Variants in HDX observed in about 807,000 individuals in gnomAD.
The protein encoded by HDX is chromosome X open reading frame 43.
In HDX, 19 loss-of-function variants were observed where a neutral mutation model predicts 45.2. The ratio of observed to expected loss-of-function variants is 0.42; its 90% CI spans 0.29 to 0.62. The LOEUF is 0.62. HDX is among the 20% of genes least tolerant of loss of function. HDX has a pLI of 0.20. For missense variants in HDX, 532 were observed against 493.9 expected, an observed-to-expected ratio of 1.08 and a Z score of -0.73; for synonymous variants, 188 against 172.8, an observed-to-expected ratio of 1.09 and a Z score of -0.69.
chrX:84,425,355 A>G (rs147803231), intron 5 of HDX, among the ~76,000 whole-genome samples: 37 of 112,050 alleles, frequency 3.3e-4, no homozygotes, highest in African/African-American at 1.2e-3. Context: ...GAGCCCTTGT[A>G]CAATGTTGGT....
At chrX:84,355,921 G>A (rs1293858866) in intron 6 of HDX, among the ~76,000 whole-genome samples, 1 of 109,230 alleles carries the variant, frequency 9.2e-6, no homozygotes, top group African/African-American at 3.3e-5. Context: ...GCACCTAATA[G>A]GTGTCCAGTT....
chrX:84,326,357 T>C (rs2036710455), intron 9 of HDX, 57 bp from the exon 10 acceptor site: 3 of 869,098 alleles, frequency 3.5e-6, no homozygotes, highest in Non-Finnish European at 4.9e-6. Flanking sequence ...GGACTATACA[T>C]GTTTGATGCA....
At chrX:84,450,434 A>T (rs931829614) in intron 4 of HDX, among the ~76,000 whole-genome samples, 2 of 111,974 alleles carry the variant, frequency 1.8e-5, no homozygotes, top group Non-Finnish European at 3.8e-5. Flanking sequence ...AAAAACAATA[A>T]AAAGAGAAAA....
intron 5 of HDX, among the ~76,000 whole-genome samples, chrX:84,390,615 C>T: frequency 9.0e-6 from 1 of 111,534 alleles, no homozygotes; most frequent in Non-Finnish European, 1.9e-5. Context: ...CATAATTATC[C>T]AAGATAAATG....
chrX:84,461,173 C>T (rs2040229464), intron 4 of HDX, among the ~76,000 whole-genome samples: 2 of 111,288 alleles, frequency 1.8e-5, no homozygotes, highest in Admixed American at 9.6e-5. Flanking sequence ...GAAAAAAATC[C>T]TAAAATTTAT....
At chrX:84,331,835 T>C (rs2036848267) in intron 9 of HDX, among the ~76,000 whole-genome samples, 1 of 111,675 alleles carries the variant, frequency 9.0e-6, no homozygotes, top group Admixed American at 9.5e-5. Flanking sequence ...CTAGAAGCAA[T>C]AGGCTATACC....
At position 84,336,789 on chromosome X, in the gene HDX, A is replaced by G. The variant is rs1312155280; in HGVS notation, c.1740+12T>C. 1 of 1,089,560 alleles carries G rather than the reference A, an allele frequency of 9.2e-7. No homozygotes were observed. The highest frequency in any genetic ancestry group is 1.3e-6 in the Non-Finnish European group (1 of 794,151). The allele number at this position is 1,089,560 out of a possible 1,213,427, so 89.8% of individuals were successfully genotyped here. A position where few individuals can be genotyped will look rare whatever the true frequency, so the allele number is the denominator to read the frequency against. On this transcript the variant is annotated intron_variant, in intron 8 of 10. Transcript: ENST00000373177. ...ACCATGTAATGAGAAAAGAATTTCA[A>G]ACTGTACATACCACATTATCTGTGG... is the stretch of plus-strand genomic sequence containing the variant.
intron 2 of HDX, among the ~76,000 whole-genome samples, chrX:84,483,698 A>G (rs2040735286): frequency 8.9e-6 from 1 of 112,543 alleles, no homozygotes; most frequent in Non-Finnish European, 1.9e-5. Context: ...TACTTATGCA[A>G]ATTTCTTCAG....
At chrX:84,375,210 A>G (rs1325527556) in intron 5 of HDX, among the ~76,000 whole-genome samples, 2 of 109,211 alleles carry the variant, frequency 1.8e-5, no homozygotes, top group East Asian at 2.9e-4. Context: ...ATCTCACACC[A>G]GTTAGAATGG....
chrX:84,478,585 A>T (rs1214049796), intron 2 of HDX, among the ~76,000 whole-genome samples: 5 of 112,262 alleles, frequency 4.5e-5, no homozygotes, highest in Admixed American at 9.5e-5. Context: ...ACTGGAAAAC[A>T]AGATATTCTA....
intron 3 of HDX, among the ~76,000 whole-genome samples, chrX:84,470,962 A>G (rs995969553): frequency 9.0e-6 from 1 of 111,725 alleles, no homozygotes; most frequent in African/African-American, 3.3e-5. Context: ...TGAGACCAGC[A>G]TGGGCAATAT....
At position 84,468,765 on chromosome X, in the gene HDX, T is replaced by A; in HGVS notation, c.958A>T (p.Ile320Leu). ...EEELASMRAQ[I>L]PSYSRFYESG... is the part of the protein sequence containing the mutation. Reference sequence around the variant, plus strand: ...TCATAAAATCTCGAATAGCTTGGTATCTGTGCTCTCATCGATGCCAGCTCT... The same window carrying A: ...TCATAAAATCTCGAATAGCTTGGTAACTGTGCTCTCATCGATGCCAGCTCT... The change falls in exon 4 of 11, where the codon ATA becomes TTA. Residue 320 changes from isoleucine (I) to leucine (L), a missense_variant. Coordinates refer to ENST00000373177, the MANE Select transcript of HDX (RefSeq NM_001177479.2). 2.5e-6 allele frequency: 3 copies of A among 1,211,656 alleles called. No homozygotes were observed. The highest frequency in any genetic ancestry group is 3.4e-6 in the Non-Finnish European group (3 of 895,331).
intron 2 of HDX, among the ~76,000 whole-genome samples, chrX:84,481,900 T>C (rs1009429205): frequency 9.0e-6 from 1 of 111,443 alleles, no homozygotes; most frequent in Non-Finnish European, 1.9e-5. Flanking sequence ...TCAGTGTCTA[T>C]TGTTTCCATC....
rs760143429 is a variant in HDX, at chrX:84,446,802, T to C, written c.1252-6217A>G. 8.9e-5 allele frequency among the ~76,000 whole-genome samples: 10 copies of C among 112,265 alleles called. No homozygotes were observed. In the South Asian group the frequency reaches 2.9e-3, roughly 33 times the overall value. ...CAAAATAGTAGGAGATTTCACAGTG[T>C]TTTTATTTGCCTTGTTGCACCCTTT... On this transcript the variant is annotated intron_variant, in intron 4 of 10. Transcript: ENST00000373177.
chrX:84,365,962 T>A (rs1020468291), intron 5 of HDX, among the ~76,000 whole-genome samples: 1 of 111,537 alleles, frequency 9.0e-6, no homozygotes, highest in East Asian at 2.8e-4. Flanking sequence ...CAATTCAACA[T>A]AGTATTGGAA....
At chrX:84,498,612 T>C (rs775401885) in intron 1 of HDX, among the ~76,000 whole-genome samples, 1 of 111,939 alleles carries the variant, frequency 8.9e-6, no homozygotes, top group South Asian at 3.7e-4. Flanking sequence ...TAATTCCCTC[T>C]GGAAGTATGA....
At chrX:84,343,692 T>C (rs1351040366) in intron 7 of HDX, among the ~76,000 whole-genome samples, 1 of 111,408 alleles carries the variant, frequency 9.0e-6, no homozygotes, top group Non-Finnish European at 1.9e-5. Flanking sequence ...AAATGAAACA[T>C]ACTTCTCATG....
chrX:84,404,714 T>C (rs1279159971), intron 5 of HDX, among the ~76,000 whole-genome samples: 1 of 111,458 alleles, frequency 9.0e-6, no homozygotes, highest in African/African-American at 3.2e-5. Flanking sequence ...TTTAACTACA[T>C]TTATACTTCC....
chrX:84,372,762 C>A (rs950191204), intron 5 of HDX, among the ~76,000 whole-genome samples: 1 of 111,487 alleles, frequency 9.0e-6, no homozygotes, highest in African/African-American at 3.3e-5. Flanking sequence ...AATGGGAAAG[C>A]TTCTGCAATG....
Sources: allele counts gnomAD v4.1 joint callset (sites outside exome capture counted in the v4.1 genomes callset), GRCh38; gene constraint gnomAD v4.1.1; transcripts MANE v1.5; gene names NCBI Gene and HGNC (gene_info 2026-07-23, HGNC 2026-07-21).